Variants in MAP2K5 observed in about 807,000 individuals in gnomAD.
MAP2K5 encodes the protein mitogen-activated protein kinase kinase 5.
MAP2K5 carries 49 observed loss-of-function variants against 83.1 expected under a neutral mutation model. The ratio of observed to expected loss-of-function variants is 0.59; its 90% CI spans 0.47 to 0.75. The LOEUF (loss-of-function observed/expected upper bound fraction) is 0.75, where lower values mean the gene tolerates loss of function less well. Among genes scored for constraint, MAP2K5 ranks in the 30% least tolerant of loss-of-function variants. The pLI is 0.00. For synonymous variants in MAP2K5, 202 were observed against 191.8 expected, an observed-to-expected ratio of 1.05 and a Z score of -0.44; for missense variants, 457 against 557.5, an observed-to-expected ratio of 0.82 and a Z score of 1.82.
chr15:67,600,556 T>A, intron 7 of MAP2K5, 129 bp from the exon 8 acceptor site: 1 of 675,430 alleles, frequency 1.5e-6, no homozygotes, highest in South Asian at 1.7e-5. Flanking sequence ...GTTGTATTGA[T>A]CTTCTCGTTT....
intron 8 of MAP2K5, chr15:67,628,455 G>C: frequency 3.5e-6 from 2 of 572,206 alleles, no homozygotes; most frequent in South Asian, 4.5e-5. Context: ...TCTCCAGCCT[G>C]GGCGACAGAG....
chr15:67,643,188 CT>C (rs2086752418), intron 9 of MAP2K5, among the ~76,000 whole-genome samples: 1 of 152,010 alleles, frequency 6.6e-6, no homozygotes. Flanking sequence ...AACTTCATTC[CT>C]TTTATCAGAC....
chr15:67,795,683 A>G (rs1215171532), intron 21 of MAP2K5, among the ~76,000 whole-genome samples: 11 of 152,182 alleles, frequency 7.2e-5, no homozygotes, highest in Admixed American at 7.2e-4. Flanking sequence ...AAAAAAGTAT[A>G]TATTCTCTAA....
intron 13 of MAP2K5, 116 bp downstream of exon 13, chr15:67,664,761 T>G (rs2087332022): frequency 1.6e-6 from 1 of 606,702 alleles, no homozygotes; most frequent in Non-Finnish European, 2.9e-6. Context: ...CATCTGGTAC[T>G]CAAAAAGATG....
At position 67,720,052 on chromosome 15, in the gene MAP2K5, C is replaced by G. The variant is rs752688261; in HGVS notation, c.1045-7864C>G. The stretch of plus-strand genomic sequence containing the variant: ...TGGAACGGTTAAAGTGTCTGTAAAG[C>G]TACAAAAGTGGGCATTTTTAAATTG... On this transcript the variant is annotated intron_variant, in intron 16 of 21. Coordinates refer to ENST00000178640, the MANE Select transcript of MAP2K5 (RefSeq NM_145160.3). This position sits in a 1 kb window ranked among gnomAD's most constrained non-coding sequence, Gnocchi z 5.7. Among the ~76,000 whole-genome samples, 7 of 152,114 alleles carry G rather than the reference C, an allele frequency of 4.6e-5. No individual in the cohort carries two copies. The highest frequency in any genetic ancestry group is 1.0e-4 in the Non-Finnish European group (7 of 68,020).
chr15:67,785,189 C>T lies in MAP2K5; in HGVS notation c.1242+12437C>T, dbSNP rs1213121250. On this transcript the variant is annotated intron_variant, in intron 21 of 21. Transcript: ENST00000178640. This position sits in a 1 kb window ranked among gnomAD's most constrained non-coding sequence, Gnocchi z 4.4. Reference sequence around the variant, plus strand: ...CAAACTCCTGACCTCAAGTGATCCGCCTGCCTGGGCCTCTCAGAGTGCTGG... The same window carrying T: ...CAAACTCCTGACCTCAAGTGATCCGTCTGCCTGGGCCTCTCAGAGTGCTGG... Among the ~76,000 whole-genome samples, 1 of 152,192 alleles carries T rather than the reference C, an allele frequency of 6.6e-6. No homozygotes were observed. The highest frequency in any genetic ancestry group is 6.5e-5 in the Admixed American group (1 of 15,282).
intron 17 of MAP2K5, among the ~76,000 whole-genome samples, chr15:67,742,019 C>T (rs1364999389): frequency 2.0e-5 from 3 of 151,952 alleles, no homozygotes; most frequent in East Asian, 1.9e-4. Context: ...CTCAGCCTCC[C>T]GAGTAGCTGG....
intron 6 of MAP2K5, among the ~76,000 whole-genome samples, chr15:67,591,001 T>C (rs2085396905): frequency 6.6e-6 from 1 of 152,112 alleles, no homozygotes; most frequent in Admixed American, 6.5e-5. Context: ...GAAAGACATC[T>C]ATACTGACAA....
rs544444316 is a variant in MAP2K5 at position 67,790,944 on chromosome 15, CAG to C, written c.1243-15699_1243-15698del. On this transcript the variant is annotated intron_variant, in intron 21 of 21. Transcript: ENST00000178640. The surrounding 1 kb of genome is among the most constrained non-coding windows in gnomAD (Gnocchi z 4.6). ...TCTCCATATTTTACAGAAGACGAGTCAGAGCTAGGGGGAATAAGCTGTGTTGT... is the reference window on the plus strand; with the variant it reads ...TCTCCATATTTTACAGAAGACGAGTCAGCTAGGGGGAATAAGCTGTGTTGT... Among the ~76,000 whole-genome samples the C allele has an allele frequency of 3.5e-4, 54 of 152,272 alleles. No individual in the cohort carries two copies. In the South Asian group the frequency reaches 0.011, roughly 30 times the overall value.
intron 2 of MAP2K5, among the ~76,000 whole-genome samples, chr15:67,554,649 C>T (rs901033199): frequency 3.9e-5 from 6 of 152,116 alleles, no homozygotes; most frequent in African/African-American, 7.2e-5. Context: ...AGCAGGGAAC[C>T]CCTTCAACCT....
chr15:67,630,178 G>C (rs878946499), intron 8 of MAP2K5, among the ~76,000 whole-genome samples: 1 of 152,238 alleles, frequency 6.6e-6, no homozygotes, highest in South Asian at 2.1e-4. Flanking sequence ...AGGCTGCAGT[G>C]ATCTGTGATT....
chr15:67,761,222 A>G (rs1038388817), intron 19 of MAP2K5, among the ~76,000 whole-genome samples: 1 of 145,734 alleles, frequency 6.9e-6, no homozygotes, highest in Non-Finnish European at 1.5e-5. Context: ...ATTTCACAGT[A>G]TGTGGTTCTA....
rs2087702781 is a variant in MAP2K5, at chr15:67,677,160, T to G, written c.847+12515T>G. ...TGAACTTCCCAAGATCACCCAACTATTCACTGCCAAAGCTGGGATAATCCA... is the reference window on the plus strand; with the variant it reads ...TGAACTTCCCAAGATCACCCAACTAGTCACTGCCAAAGCTGGGATAATCCA... On this transcript the variant is annotated intron_variant, in intron 13 of 21. Coordinates refer to ENST00000178640, the MANE Select transcript of MAP2K5 (RefSeq NM_145160.3). The surrounding 1 kb of genome is among the most constrained non-coding windows in gnomAD (Gnocchi z 4.2). 6.6e-6 allele frequency among the ~76,000 whole-genome samples: 1 copy of G among 152,170 alleles called. No homozygotes were observed. Among genetic ancestry groups the G allele is most frequent in the African/African-American group, 2.4e-5 (1 of 41,444 alleles).
intron 16 of MAP2K5, among the ~76,000 whole-genome samples, chr15:67,721,900 G>A (rs1402840117): frequency 6.6e-6 from 1 of 152,152 alleles, no homozygotes; most frequent in African/African-American, 2.4e-5. Flanking sequence ...GGTGTACACA[G>A]TTTGATGCTT....
intron 8 of MAP2K5, among the ~76,000 whole-genome samples, chr15:67,612,781 A>G (rs1303877197): frequency 6.6e-6 from 1 of 152,208 alleles, no homozygotes; most frequent in Non-Finnish European, 1.5e-5. Context: ...ATGGACAGCA[A>G]TCACAGCCTA....
At chr15:67,754,183 T>C (rs1011395749) in intron 19 of MAP2K5, among the ~76,000 whole-genome samples, 1 of 152,196 alleles carries the variant, frequency 6.6e-6, no homozygotes, top group Non-Finnish European at 1.5e-5. Flanking sequence ...CAAGGTTTCT[T>C]TTTAGGGTGG....
rs561681515 is a variant in MAP2K5 at position 67,646,983 on chromosome 15, C to A, written c.736+514C>A. ...TCCCTCTCTATTTTTTTATTCATTT[C>A]TATTTTGGTAGTTCTTTCTTGACCT... On this transcript the variant is annotated intron_variant, in intron 11 of 21. Coordinates refer to ENST00000178640, the MANE Select transcript of MAP2K5 (RefSeq NM_145160.3). Among the ~76,000 whole-genome samples, 50 of 152,094 alleles carry A rather than the reference C, an allele frequency of 3.3e-4. 5 individuals carry two copies. In the South Asian group the frequency reaches 9.5e-3, roughly 29 times the overall value.
At chr15:67,620,311 C>T (rs573937716) in intron 8 of MAP2K5, among the ~76,000 whole-genome samples, 114 of 152,266 alleles carry the variant, frequency 7.5e-4, no homozygotes, top group African/African-American at 2.6e-3. Flanking sequence ...GCAGAGGTTT[C>T]ATTGAGCCGA....
At chr15:67,649,262 G>T (rs145150756) in intron 11 of MAP2K5, among the ~76,000 whole-genome samples, 1 of 152,242 alleles carries the variant, frequency 6.6e-6, no homozygotes, top group African/African-American at 2.4e-5. Context: ...TGAGTTGTGA[G>T]AATTCTTTAT....
Sources: gnomAD v4.1 joint callset for allele counts (sites outside exome capture counted in the v4.1 genomes callset) on GRCh38, gnomAD v4.1.1 for gene constraint, Gnocchi (gnomAD v3.1) non-coding constraint, MANE v1.5 for transcripts, NCBI Gene and HGNC (gene_info 2026-07-23, HGNC 2026-07-21) for gene names.